The following RNGTT variants were observed in gnomAD, a reference collection of about 807,000 sequenced individuals.
RNGTT encodes RNA guanylyltransferase and 5'-phosphatase, also known as mRNA-capping enzyme.
A neutral mutation model predicts 79.3 loss-of-function variants in RNGTT; 33 were observed. The ratio of observed to expected loss-of-function variants is 0.42; its 90% CI spans 0.32 to 0.56. RNGTT has a LOEUF of 0.56. Among genes scored for constraint, RNGTT ranks in the 20% least tolerant of loss-of-function variants. The pLI, the probability that RNGTT is intolerant of heterozygous loss-of-function variation, is 0.17. For synonymous variants in RNGTT, 222 were observed against 235.9 expected (o/e 0.94, Z 0.54); for missense variants, 497 against 739.1 (o/e 0.67, Z 3.80).
At chr6:88,737,506 C>T (rs559525647) in intron 13 of RNGTT, among the ~76,000 whole-genome samples, 1 of 152,116 alleles carries the variant, frequency 6.6e-6, no homozygotes, top group Non-Finnish European at 1.5e-5. Context: ...TCCCCCCTCC[C>T]CAAATTCATA....
chr6:88,867,587 T>A (rs1782216414), intron 8 of RNGTT, among the ~76,000 whole-genome samples: 1 of 152,100 alleles, frequency 6.6e-6, no homozygotes, highest in African/African-American at 2.4e-5. Flanking sequence ...AAAAAAAAGT[T>A]TTCACTGAAG....
intron 12 of RNGTT, among the ~76,000 whole-genome samples, chr6:88,772,189 A>AG (rs1778707273): frequency 6.6e-6 from 1 of 152,076 alleles, no homozygotes; most frequent in Admixed American, 6.6e-5. Flanking sequence ...AAAAAAAAAA[A>AG]ATGTGCAATA....
At chr6:88,953,779 CAGA>C (rs1785336095) in intron 1 of RNGTT, among the ~76,000 whole-genome samples, 1 of 152,198 alleles carries the variant, frequency 6.6e-6, no homozygotes, top group East Asian at 1.9e-4. Context: ...GATTTCTCAG[CAGA>C]AACCTTACAA....
chr6:88,844,291 T>C (rs1781413810), intron 11 of RNGTT, 66 bp downstream of exon 11: 1 of 1,439,902 alleles, frequency 6.9e-7, no homozygotes, highest in Non-Finnish European at 9.6e-7. Flanking sequence ...ATGTCATTCA[T>C]ATTCATCTTG....
intron 4 of RNGTT, among the ~76,000 whole-genome samples, chr6:88,909,272 G>A (rs1483670089): frequency 6.6e-6 from 1 of 152,182 alleles, no homozygotes; most frequent in Non-Finnish European, 1.5e-5. Flanking sequence ...ACAGACATCA[G>A]ACAGAGACCA....
chr6:88,929,917 CACGT>C (rs1562045008), intron 2 of RNGTT, among the ~76,000 whole-genome samples: 1 of 149,504 alleles, frequency 6.7e-6, no homozygotes, highest in African/African-American at 2.5e-5. Flanking sequence ...TGCATATATA[CACGT>C]ATATACATAT....
At chr6:88,739,512 T>C (rs1208767241) in intron 13 of RNGTT, among the ~76,000 whole-genome samples, 1 of 151,976 alleles carries the variant, frequency 6.6e-6, no homozygotes, top group African/African-American at 2.4e-5. Context: ...TAAACTTATG[T>C]TTATGTATGA....
At chr6:88,836,015 CACACACACAT>C (rs1159390841) in intron 11 of RNGTT, among the ~76,000 whole-genome samples, 355 of 121,852 alleles carry the variant, frequency 2.9e-3, no homozygotes, top group Middle Eastern at 0.017. Flanking sequence ...CACACACACA[CACACACACAT>C]ATATATATAA....
chr6:88,916,459 AG>A (rs1784003222), intron 4 of RNGTT, among the ~76,000 whole-genome samples: 1 of 152,202 alleles, frequency 6.6e-6, no homozygotes, highest in East Asian at 1.9e-4. Flanking sequence ...GGTGAGAGTG[AG>A]ACACTGTCTC....
At chr6:88,798,507 T>C (rs1225015566) in intron 12 of RNGTT, among the ~76,000 whole-genome samples, 2 of 150,482 alleles carry the variant, frequency 1.3e-5, no homozygotes, top group Middle Eastern at 3.2e-3. Flanking sequence ...AGAAATAAGG[T>C]GGCAGAAATC....
intron 2 of RNGTT, among the ~76,000 whole-genome samples, chr6:88,937,206 C>T (rs1191052801): frequency 1.3e-5 from 2 of 152,030 alleles, no homozygotes; most frequent in African/African-American, 4.8e-5. Flanking sequence ...ATTAGCCAGG[C>T]GCAGTGGCAC....
At chr6:88,842,151 GA>G (rs1781313739) in intron 11 of RNGTT, among the ~76,000 whole-genome samples, 1 of 152,006 alleles carries the variant, frequency 6.6e-6, no homozygotes, top group Non-Finnish European at 1.5e-5. Flanking sequence ...AGTCAGAGAA[GA>G]AAAACAAATT....
intron 8 of RNGTT, among the ~76,000 whole-genome samples, chr6:88,871,182 A>G (rs570051998): frequency 7.9e-5 from 12 of 152,150 alleles, no homozygotes; most frequent in Non-Finnish European, 1.8e-4. Context: ...TTACTCATTC[A>G]AAAAAGTTAT....
intron 13 of RNGTT, among the ~76,000 whole-genome samples, chr6:88,708,233 T>G (rs746653740): frequency 3.3e-5 from 5 of 152,022 alleles, no homozygotes; most frequent in African/African-American, 4.8e-5. Flanking sequence ...CTTCAAGGGC[T>G]CTCTTTTCCA....
chr6:88,644,186 C>G (rs1773438730), intron 14 of RNGTT, among the ~76,000 whole-genome samples: 1 of 152,154 alleles, frequency 6.6e-6, no homozygotes, highest in Non-Finnish European at 1.5e-5. Flanking sequence ...ACCGATCCCA[C>G]AGAAATACAA....
At chr6:88,932,210 C>T (rs1294823566) in intron 2 of RNGTT, among the ~76,000 whole-genome samples, 1 of 152,150 alleles carries the variant, frequency 6.6e-6, no homozygotes, top group South Asian at 2.1e-4. Flanking sequence ...ATGAAACACA[C>T]CCTAGTCTCC....
chr6:88,639,842 A>C (rs1773241631), intron 14 of RNGTT, among the ~76,000 whole-genome samples: 1 of 152,226 alleles, frequency 6.6e-6, no homozygotes, highest in African/African-American at 2.4e-5. Flanking sequence ...GAATTTATTC[A>C]TTTGTTTTCT....
At chr6:88,838,447 C>T (rs1038311344) in intron 11 of RNGTT, among the ~76,000 whole-genome samples, 1 of 151,992 alleles carries the variant, frequency 6.6e-6, no homozygotes, top group East Asian at 1.9e-4. Context: ...AATCAACGTA[C>T]TCCTTTGGGG....
At chr6:88,665,530 C>T (rs371859291) in intron 14 of RNGTT, among the ~76,000 whole-genome samples, 10 of 152,310 alleles carry the variant, frequency 6.6e-5, no homozygotes, top group Middle Eastern at 6.8e-3. Flanking sequence ...GTACCTAACC[C>T]GTACACATTG....
Sources: gnomAD v4.1 joint callset for allele counts (sites outside exome capture counted in the v4.1 genomes callset) on GRCh38, gnomAD v4.1.1 for gene constraint, MANE v1.5 for transcripts, NCBI Gene and HGNC (gene_info 2026-07-23, HGNC 2026-07-21) for gene names.